ANKH: variants seen among roughly 807,000 people sequenced by gnomAD.
The protein encoded by ANKH is mineralization regulator ANKH.
Under a neutral mutation model 49.0 loss-of-function variants are expected in ANKH, and 15 were observed. The ratio of observed to expected loss-of-function variants is 0.31; its 90% CI spans 0.20 to 0.47. The LOEUF (loss-of-function observed/expected upper bound fraction) is 0.47. Ranked by LOEUF, ANKH falls within the 20% of genes least tolerant of loss-of-function variation. The pLI, the probability that ANKH is intolerant of heterozygous loss-of-function variation, is 1.00. For missense variants in ANKH, 429 were observed against 652.0 expected (o/e 0.66, Z 3.72); for synonymous variants, 273 against 260.0 (o/e 1.05, Z -0.48).
intron 1 of ANKH, among the ~76,000 whole-genome samples, chr5:14,800,800 C>T (rs771501399): frequency 4.0e-5 from 6 of 149,118 alleles, no homozygotes; most frequent in Non-Finnish European, 8.9e-5. Context: ...GAACATGGCT[C>T]ACTGCAGCCT....
chr5:14,858,637 A>G (rs1209541245), intron 1 of ANKH, among the ~76,000 whole-genome samples: 1 of 151,856 alleles, frequency 6.6e-6, no homozygotes, highest in African/African-American at 2.4e-5. Flanking sequence ...AATCGCTTAA[A>G]CACAGGAGGC....
chr5:14,819,333 T>C (rs1741131380), intron 1 of ANKH, among the ~76,000 whole-genome samples: 2 of 152,214 alleles, frequency 1.3e-5, no homozygotes, highest in African/African-American at 4.8e-5. Context: ...GGCACCCATA[T>C]CTATGTGGGA....
At chr5:14,724,572 G>C in intron 8 of ANKH, 3 of 985,350 alleles carry the variant, frequency 3.0e-6, no homozygotes, top group Non-Finnish European at 2.4e-6. Flanking sequence ...GCTACAGTCC[G>C]AAACAGAGCT....
At chr5:14,789,800 T>A (rs1740103935) in intron 1 of ANKH, among the ~76,000 whole-genome samples, 1 of 152,170 alleles carries the variant, frequency 6.6e-6, no homozygotes, top group Non-Finnish European at 1.5e-5. Context: ...AACCTCCGAT[T>A]CCCGGGCTCA....
At chr5:14,736,006 CTTTTTTTTTTTTTTTTTTTTTTTT>C (rs540010631) in intron 8 of ANKH, among the ~76,000 whole-genome samples, 1 of 83,662 alleles carries the variant, frequency 1.2e-5, no homozygotes, top group African/African-American at 5.8e-5. Flanking sequence ...AAAAACCTAA[CTTTTTTTTTTTTTTTTTTTTTTTT>C]TTTTTTTTAA....
chr5:14,807,669 A>C (rs761952987), intron 1 of ANKH, among the ~76,000 whole-genome samples: 1 of 152,220 alleles, frequency 6.6e-6, no homozygotes, highest in African/African-American at 2.4e-5. Flanking sequence ...ATATGTCAGC[A>C]AAGTGGCAAA....
chr5:14,854,380 C>CAGAATGAG, intron 1 of ANKH, among the ~76,000 whole-genome samples: 1 of 152,196 alleles, frequency 6.6e-6, no homozygotes, highest in South Asian at 2.1e-4. Context: ...CAACCTAGCT[C>CAGAATGAG]TTTTAAAGCT....
chr5:14,854,373 C>T (rs1742198995), intron 1 of ANKH, among the ~76,000 whole-genome samples: 2 of 152,182 alleles, frequency 1.3e-5, no homozygotes, highest in African/African-American at 4.8e-5. Context: ...TTTGCCACAA[C>T]CTAGCTCTTT....
At chr5:14,819,408 G>A (rs1741133584) in intron 1 of ANKH, among the ~76,000 whole-genome samples, 2 of 152,184 alleles carry the variant, frequency 1.3e-5, no homozygotes, top group Admixed American at 6.5e-5. Flanking sequence ...AACTCAATAA[G>A]CCCTCTGGGT....
At chr5:14,796,641 T>A (rs529438153) in intron 1 of ANKH, among the ~76,000 whole-genome samples, 1 of 152,296 alleles carries the variant, frequency 6.6e-6, no homozygotes, top group South Asian at 2.1e-4. Context: ...TATGAAAATG[T>A]GCATCCTGGA....
intron 1 of ANKH, among the ~76,000 whole-genome samples, chr5:14,832,821 G>A (rs1406649029): frequency 1.3e-5 from 2 of 152,154 alleles, no homozygotes; most frequent in African/African-American, 4.8e-5. Context: ...TCCACTGTGA[G>A]AGCAATGAAA....
At chr5:14,760,411 T>C (rs1221463517) in intron 2 of ANKH, among the ~76,000 whole-genome samples, 2 of 152,160 alleles carry the variant, frequency 1.3e-5, no homozygotes, top group Non-Finnish European at 2.9e-5. Context: ...CAGGTGAGAA[T>C]TGCATTTAGA....
intron 1 of ANKH, among the ~76,000 whole-genome samples, chr5:14,775,567 G>A (rs1287585198): frequency 6.6e-6 from 1 of 152,142 alleles, no homozygotes; most frequent in Admixed American, 6.5e-5. Context: ...TTTTGCAGGA[G>A]CTTATTTAGG....
intron 1 of ANKH, among the ~76,000 whole-genome samples, chr5:14,839,508 T>TAAA (rs56407443): frequency 2.8e-5 from 4 of 141,352 alleles, no homozygotes; most frequent in Admixed American, 7.0e-5. Flanking sequence ...TCTTATCAGT[T>TAAA]AAAAAAAAAA....
chr5:14,716,985 C>G (rs1737491799), intron 8 of ANKH, 150 bp from the exon 9 acceptor site: 1 of 949,352 alleles, frequency 1.1e-6, no homozygotes, highest in Non-Finnish European at 1.6e-6. Context: ...GATCTGCCAC[C>G]TGCTTGCTTG....
chr5:14,798,402 G>A lies in ANKH; in HGVS notation c.97-29211C>T. 2.6e-6 allele frequency: 4 copies of A among 1,558,934 alleles called. No individual in the cohort carries two copies. In the South Asian group the frequency reaches 4.6e-5, roughly 18 times the overall value. ...AAAGGCTGCTTCCTTGTCGGCCATGGCGGGCAGGCGAGCCGGGGGAATCCT... is the reference window on the plus strand; with the variant it reads ...AAAGGCTGCTTCCTTGTCGGCCATGACGGGCAGGCGAGCCGGGGGAATCCT... On this transcript the variant is annotated intron_variant, in intron 1 of 11. Transcript: ENST00000284268.
chr5:14,802,825 C>T (rs1740603323), intron 1 of ANKH, among the ~76,000 whole-genome samples: 1 of 152,130 alleles, frequency 6.6e-6, no homozygotes, highest in Admixed American at 6.5e-5. Flanking sequence ...GTTCCTTCTC[C>T]CATAGCATGT....
rs1316517998 is a variant in ANKH at position 14,812,794 on chromosome 5, C to G, written c.97-43603G>C. Among the ~76,000 whole-genome samples, 4 of 152,078 alleles carry G rather than the reference C, an allele frequency of 2.6e-5. No homozygotes were observed. In the East Asian group the frequency reaches 7.7e-4, roughly 29 times the overall value. Reference sequence around the variant, plus strand: ...TAGTAAGTGTCAGAATAATTTTTTTCTTTAACACAGGAAACGATCGAAAGA... The same window carrying G: ...TAGTAAGTGTCAGAATAATTTTTTTGTTTAACACAGGAAACGATCGAAAGA... On this transcript the variant is annotated intron_variant, in intron 1 of 11. Transcript: ENST00000284268.
At chr5:14,717,038 T>G in intron 8 of ANKH, 1 of 608,198 alleles carries the variant, frequency 1.6e-6, no homozygotes, top group Admixed American at 2.3e-5. Context: ...TAGCCATGTC[T>G]GTACCCAGGG....
Sources: gnomAD v4.1 joint callset for allele counts (sites outside exome capture counted in the v4.1 genomes callset) on GRCh38, gnomAD v4.1.1 for gene constraint, MANE v1.5 for transcripts, NCBI Gene and HGNC (gene_info 2026-07-23, HGNC 2026-07-21) for gene names.